The following RABGAP1 variants were observed in gnomAD, a reference collection of about 807,000 sequenced individuals.
RABGAP1 encodes the protein RAB GTPase activating protein 1.
A neutral mutation model predicts 137.6 loss-of-function variants in RABGAP1; 23 were observed. The observed-to-expected ratio is 0.17, with a 90% CI of 0.12 to 0.24. The LOEUF is 0.24. RABGAP1 is among the 10% of genes least tolerant of loss of function. The probability of loss-of-function intolerance (pLI) is 1.00; values close to 1 mark genes in which losing one functional copy is unlikely to be tolerated. For missense variants in RABGAP1, 906 were observed against 1,275.8 expected (o/e 0.71, Z 4.42); for synonymous variants, 451 against 450.7 (o/e 1.00, Z -0.01).
intron 13 of RABGAP1, among the ~76,000 whole-genome samples, chr9:123,061,347 T>A (rs2033963022): frequency 1.3e-5 from 2 of 152,220 alleles, no homozygotes; most frequent in African/African-American, 4.8e-5. Context: ...TCTCCTGGGC[T>A]CAAGTGGTTT....
At chr9:123,032,199 C>T (rs1403927369) in intron 13 of RABGAP1, among the ~76,000 whole-genome samples, 1 of 152,098 alleles carries the variant, frequency 6.6e-6, no homozygotes, top group South Asian at 2.1e-4. Flanking sequence ...AGTTATATAC[C>T]CCCTCTGTGC....
intron 13 of RABGAP1, among the ~76,000 whole-genome samples, chr9:123,025,535 TTTC>T (rs1364193831): frequency 8.0e-6 from 1 of 125,766 alleles, no homozygotes; most frequent in African/African-American, 2.9e-5. Context: ...TGTTCAGATC[TTTC>T]TTTTCTTTTT....
Position 123,015,436 on chromosome 9 carries a change from T to C in RABGAP1, c.1550-107T>C, listed in dbSNP as rs1284943970. The stretch of plus-strand genomic sequence containing the variant: ...AATACTAAAAGAGAGAAATTATGAC[T>C]TTATGCTCCCAGTAAAGTCTTTCAA... On this transcript the variant is annotated intron_variant, in intron 11 of 25. Transcript: ENST00000373647. 5 of 635,894 alleles carry C rather than the reference T, an allele frequency of 7.9e-6. No homozygotes were observed. The South Asian group carries it at 9.6e-5, about 12-fold the overall frequency. 39.4% of individuals were successfully genotyped at this position (635,894 alleles called of 1,614,324 possible).
rs1030912545 is a variant in RABGAP1 at position 123,065,662 on chromosome 9, G to A, written c.1908+201G>A. The A allele has an allele frequency of 7.1e-5, 36 of 508,538 alleles. 1 individual carries two copies. The highest frequency in any genetic ancestry group is 4.2e-4 in the South Asian group (20 of 48,066). 31.5% of individuals were successfully genotyped at this position (508,538 alleles called of 1,614,324 possible). A position where few individuals can be genotyped will look rare whatever the true frequency, so the allele number is the denominator to read the frequency against. On this transcript the variant is annotated intron_variant, in intron 14 of 25. Coordinates refer to ENST00000373647, the MANE Select transcript of RABGAP1 (RefSeq NM_012197.4). ...AAATAATAAGAAATAAAATGGTAGG[G>A]TTTCCTTTCCCCTTCTAATCAGGAT...
chr9:123,031,424 C>T (rs1050450840), intron 13 of RABGAP1, among the ~76,000 whole-genome samples: 1 of 151,954 alleles, frequency 6.6e-6, no homozygotes, highest in Non-Finnish European at 1.5e-5. Flanking sequence ...TGAGATCAGA[C>T]TAGAAAGGCA....
rs1395942302 is a variant in RABGAP1 at position 123,103,311 on chromosome 9, A to C, written c.*98A>C. The C allele has an allele frequency of 1.3e-6, 2 of 1,543,504 alleles. No individual in the cohort carries two copies. The highest frequency in any genetic ancestry group is 4.5e-5 in the East Asian group (2 of 44,172). ...TTCTGTGACTTGTCCCAGGACCAGA[A>C]TGTACCTAAGTCAGATCCATAGACG... On this transcript the variant is annotated 3_prime_UTR_variant, in exon 26 of 26. Transcript: ENST00000373647.
intron 1 of RABGAP1, among the ~76,000 whole-genome samples, chr9:122,944,972 T>C (rs1429330375): frequency 2.0e-5 from 3 of 151,870 alleles, no homozygotes; most frequent in Non-Finnish European, 4.4e-5. Context: ...ATTTAAGAAG[T>C]GCTCATTTAA....
intron 13 of RABGAP1, among the ~76,000 whole-genome samples, chr9:123,045,388 T>G (rs1487144651): frequency 6.6e-6 from 1 of 152,178 alleles, no homozygotes; most frequent in Non-Finnish European, 1.5e-5. Context: ...ACTAAAGCCT[T>G]TTTTCATTTA....
chr9:122,998,779 T>A lies in RABGAP1; in HGVS notation c.1374+13T>A. ...GAAACTAAAACAGGTACTGTATTTT[T>A]CTATTAATATAGAAGGGGGAATAAG... is the stretch of plus-strand genomic sequence containing the variant. On this transcript the variant is annotated intron_variant, in intron 10 of 25. Coordinates refer to ENST00000373647, the MANE Select transcript of RABGAP1 (RefSeq NM_012197.4). 1.3e-6 allele frequency: 2 copies of A among 1,511,392 alleles called. No individual in the cohort carries two copies. Among genetic ancestry groups the A allele is most frequent in the South Asian group, 2.4e-5 (2 of 82,542 alleles). The allele number at this position is 1,511,392 out of a possible 1,614,324, so 93.6% of individuals were successfully genotyped here. A position where few individuals can be genotyped will look rare whatever the true frequency, so the allele number is the denominator to read the frequency against.
chr9:123,076,178 A>G (rs2132158429), intron 17 of RABGAP1, 67 bp from the exon 18 acceptor site: 1 of 1,494,540 alleles, frequency 6.7e-7, no homozygotes, highest in Non-Finnish European at 9.2e-7. Context: ...TGTGGGGTAT[A>G]AGGACAAATA....
intron 1 of RABGAP1, among the ~76,000 whole-genome samples, chr9:122,953,886 A>G (rs989122607): frequency 2.6e-5 from 4 of 152,176 alleles, no homozygotes; most frequent in Middle Eastern, 3.2e-3. Context: ...AGCACCTGCT[A>G]TGTGCCAGGC....
chr9:122,945,083 A>C (rs546941835), intron 1 of RABGAP1, among the ~76,000 whole-genome samples: 1 of 146,384 alleles, frequency 6.8e-6, no homozygotes, highest in East Asian at 2.0e-4. Flanking sequence ...AAAAAATTCA[A>C]GGCTCAGGAC....
At chr9:123,042,653 G>A (rs2033007342) in intron 13 of RABGAP1, among the ~76,000 whole-genome samples, 1 of 152,166 alleles carries the variant, frequency 6.6e-6, no homozygotes. Context: ...CAAAAAGGCA[G>A]AGAGACAGAA....
At chr9:123,059,201 G>A (rs1308014797) in intron 13 of RABGAP1, among the ~76,000 whole-genome samples, 1 of 152,178 alleles carries the variant, frequency 6.6e-6, no homozygotes, top group Non-Finnish European at 1.5e-5. Flanking sequence ...GAAGTAAAGA[G>A]ATAAAGGAAG....
intron 21 of RABGAP1, among the ~76,000 whole-genome samples, chr9:123,096,742 G>T (rs2035195962): frequency 6.6e-6 from 1 of 151,980 alleles, no homozygotes; most frequent in African/African-American, 2.4e-5. Flanking sequence ...CTAATTTTTT[G>T]TATATTTTTA....
At chr9:123,015,158 A>G (rs2031120984) in intron 11 of RABGAP1, among the ~76,000 whole-genome samples, 1 of 152,186 alleles carries the variant, frequency 6.6e-6, no homozygotes. Context: ...CTATTGTTGG[A>G]CAGTTAGGTA....
At chr9:123,019,142 T>C (rs2031444775) in intron 12 of RABGAP1, among the ~76,000 whole-genome samples, 1 of 152,202 alleles carries the variant, frequency 6.6e-6, no homozygotes, top group Admixed American at 6.5e-5. Flanking sequence ...TTCCCCATTT[T>C]ATAGGTGACA....
Position 122,968,081 on chromosome 9 carries a change from C to T in RABGAP1, c.150+10872C>T, listed in dbSNP as rs139404625. Among the ~76,000 whole-genome samples, 316 of 151,738 alleles carry T rather than the reference C, an allele frequency of 2.1e-3. 1 individual carries two copies. Among genetic ancestry groups the T allele is most frequent in the African/African-American group, 7.3e-3 (304 of 41,394 alleles). ...TACATAGTAGGTGTATATATTTATG[C>T]GTTAATGTGTATATATGCATTACAT... On this transcript the variant is annotated intron_variant, in intron 2 of 25. Coordinates refer to ENST00000373647, the MANE Select transcript of RABGAP1 (RefSeq NM_012197.4).
At chr9:123,038,861 A>T (rs2032807682) in intron 13 of RABGAP1, among the ~76,000 whole-genome samples, 1 of 152,126 alleles carries the variant, frequency 6.6e-6, no homozygotes, top group Non-Finnish European at 1.5e-5. Context: ...ACAAAAGGGC[A>T]TCATATAGTA....
Sources: allele counts gnomAD v4.1 joint callset (sites outside exome capture counted in the v4.1 genomes callset), GRCh38; gene constraint gnomAD v4.1.1; transcripts MANE v1.5; gene names NCBI Gene and HGNC (gene_info 2026-07-23, HGNC 2026-07-21).